Variants in CDH23 observed in about 807,000 individuals in gnomAD.
CDH23 encodes the protein cadherin-23.
A neutral mutation model predicts 317.1 loss-of-function variants in CDH23; 189 were observed. The observed-to-expected ratio is 0.60, with a 90% confidence interval of 0.53 to 0.67. The LOEUF is 0.67. Ranked by LOEUF, CDH23 falls within the 30% of genes least tolerant of loss-of-function variation. CDH23 has a pLI of 0.00. For missense variants in CDH23, 4,401 were observed against 4,592.4 expected (o/e 0.96, Z 1.20); for synonymous variants, 1,839 against 1,876.8 (o/e 0.98, Z 0.52).
At chr10:71,510,734 G>C (rs1382391761) in intron 4 of CDH23, among the ~76,000 whole-genome samples, 1 of 152,124 alleles carries the variant, frequency 6.6e-6, no homozygotes, top group Non-Finnish European at 1.5e-5. Context: ...AAGATGCTCG[G>C]CTTCTGTCTT....
chr10:71,712,707 T>C lies in CDH23; in HGVS notation c.3263T>C (p.Val1088Ala), dbSNP rs1866025946. ...AAGCGACACACGGGCACAGCCACCG[T>C]GTTCGTCACTGTCCTGGATGTGAAT... The part of the protein sequence containing the change: ...VGKRHTGTAT[V>A]FVTVLDVNDN... The change falls in exon 28 of 70, where the codon GTG becomes GCG. Residue 1088 changes from valine to alanine, a missense_variant. Val to Ala is a moderately conservative substitution (Grantham distance 64). This residue lies in a region of CDH23 where 3,068 missense variants were observed against 3,203.3 expected (regional missense o/e 0.96). Coordinates refer to ENST00000224721, the MANE Select transcript of CDH23 (RefSeq NM_022124.6). 6.2e-7 allele frequency: 1 copy of C among 1,613,614 alleles called. No homozygotes were observed. Among genetic ancestry groups the C allele is most frequent in the African/African-American group, 1.3e-5 (1 of 74,944 alleles).
At chr10:71,688,590 G>T (rs1428777392) in intron 19 of CDH23, among the ~76,000 whole-genome samples, 2 of 148,190 alleles carry the variant, frequency 1.3e-5, no homozygotes, top group South Asian at 2.2e-4. Context: ...GTCAGGGGTG[G>T]TGGAGTCAGG....
chr10:71,507,966 G>A (rs898460323), intron 3 of CDH23, among the ~76,000 whole-genome samples: 4 of 152,190 alleles, frequency 2.6e-5, no homozygotes, highest in Admixed American at 1.3e-4. Flanking sequence ...TTCCAACTCC[G>A]AAATGGGAGG....
At chr10:71,666,533 G>T (rs1273838114) in intron 14 of CDH23, among the ~76,000 whole-genome samples, 1 of 152,134 alleles carries the variant, frequency 6.6e-6, no homozygotes, top group African/African-American at 2.4e-5. Flanking sequence ...CATCCATCCA[G>T]CCCTGGCTTC....
At chr10:71,616,323 G>A (rs1307943255) in intron 10 of CDH23, among the ~76,000 whole-genome samples, 1 of 152,210 alleles carries the variant, frequency 6.6e-6, no homozygotes, top group African/African-American at 2.4e-5. Flanking sequence ...CAGCGCCATG[G>A]GGAGGATGGT....
intron 11 of CDH23, among the ~76,000 whole-genome samples, chr10:71,618,859 A>C (rs771333754): frequency 2.6e-5 from 4 of 151,770 alleles, no homozygotes; most frequent in Non-Finnish European, 5.9e-5. Context: ...GTGTGTGTAC[A>C]TGTGTGTCTC....
chr10:71,484,048 C>T (rs1169704716), intron 3 of CDH23, among the ~76,000 whole-genome samples: 1 of 152,210 alleles, frequency 6.6e-6, no homozygotes, highest in Non-Finnish European at 1.5e-5. Flanking sequence ...TCCACACCTC[C>T]CACGGCCACA....
At chr10:71,710,383 G>A (rs148327655) in intron 27 of CDH23, among the ~76,000 whole-genome samples, 1 of 152,364 alleles carries the variant, frequency 6.6e-6, no homozygotes, top group East Asian at 1.9e-4. Flanking sequence ...TAAGTCACAT[G>A]CCCATCCTGG....
intron 6 of CDH23, among the ~76,000 whole-genome samples, chr10:71,543,305 C>G (rs1233084823): frequency 6.6e-6 from 1 of 152,220 alleles, no homozygotes; most frequent in Non-Finnish European, 1.5e-5. Flanking sequence ...CCCCGAGGAC[C>G]TCCATTATCC....
chr10:71,495,031 G>A (rs555465197), intron 3 of CDH23, among the ~76,000 whole-genome samples: 1 of 152,214 alleles, frequency 6.6e-6, no homozygotes, highest in East Asian at 1.9e-4. Flanking sequence ...GAACCACCAC[G>A]GAGCCCCAGC....
At position 71,777,864 on chromosome 10, in the gene CDH23, G is replaced by A. The variant is rs1465588529; in HGVS notation, c.5030G>A (p.Gly1677Asp). The A allele has an allele frequency of 1.8e-5, 29 of 1,613,808 alleles. No homozygotes were observed. The highest frequency in any genetic ancestry group is 2.2e-5 in the Non-Finnish European group (26 of 1,179,890). ...ACAGTCACCTATGCCATCGTCGCAGGCAACATCGTCAACACCTTCCGCATC... is the reference window on the plus strand; with the variant it reads ...ACAGTCACCTATGCCATCGTCGCAGACAACATCGTCAACACCTTCCGCATC... Reference protein sequence around the residue: ...NGTVTYAIVAGNIVNTFRIDR... With the variant: ...NGTVTYAIVADNIVNTFRIDR... Residue 1677 changes from glycine (G) to aspartate (D), a missense_variant, in exon 39 of 70, where the codon GGC (glycine) becomes GAC (aspartate). By Grantham distance (94) the Gly-to-Asp change is moderately conservative. Around this residue, in one of 3 missense-constraint regions of CDH23, gnomAD observed 3,068 missense variants for 3,203.3 expected, o/e 0.96. Transcript: ENST00000224721.
At chr10:71,524,559 G>A (rs988018189) in intron 6 of CDH23, among the ~76,000 whole-genome samples, 10 of 152,184 alleles carry the variant, frequency 6.6e-5, no homozygotes, top group African/African-American at 2.2e-4. Flanking sequence ...GGTAAGCAGA[G>A]TAATGCCCCC....
At chr10:71,538,166 C>T (rs1172646949) in intron 6 of CDH23, among the ~76,000 whole-genome samples, 6 of 152,174 alleles carry the variant, frequency 3.9e-5, no homozygotes, top group South Asian at 2.1e-4. Context: ...TCCATGGTCA[C>T]GTTGCTCAGG....
intron 57 of CDH23, among the ~76,000 whole-genome samples, chr10:71,806,936 G>A (rs1841746886): frequency 6.6e-6 from 1 of 152,224 alleles, no homozygotes; most frequent in Non-Finnish European, 1.5e-5. Context: ...CTCCAACTCT[G>A]ACATGGTTGT....
chr10:71,623,463 G>A (rs1861563822), intron 11 of CDH23, among the ~76,000 whole-genome samples: 1 of 152,238 alleles, frequency 6.6e-6, no homozygotes, highest in Non-Finnish European at 1.5e-5. Flanking sequence ...GGCAGGCAGG[G>A]CTTTGTCAGG....
intron 43 of CDH23, 40 bp downstream of exon 43, chr10:71,785,140 C>T: frequency 1.3e-6 from 2 of 1,559,240 alleles, no homozygotes; most frequent in Non-Finnish European, 8.8e-7. Context: ...CCCAGGGTTT[C>T]CAGTGAAAAA....
chr10:71,763,642 C>T (rs943094876), intron 38 of CDH23, among the ~76,000 whole-genome samples: 2 of 152,238 alleles, frequency 1.3e-5, no homozygotes, highest in Non-Finnish European at 2.9e-5. Context: ...CCCGACTCCT[C>T]ACTCACAGAT....
Position 71,694,233 on chromosome 10 carries a change from C to T in CDH23, c.2263C>T (p.His755Tyr), listed in dbSNP as rs181255269. Residue 755 changes from histidine (H) to tyrosine (Y), a missense_variant, in exon 21 of 70, where the codon CAC (histidine) becomes TAC (tyrosine). Coordinates refer to ENST00000224721, the MANE Select transcript of CDH23 (RefSeq NM_022124.6). ...TCGCGCAGTGGACGGGGGTGTGGGC[C>T]ACAACCAGAAAACTGGCATCGCCAC... is the stretch of plus-strand genomic sequence containing the variant. ...IVRAVDGGVGHNQKTGIATVN... is the reference protein window; with the variant it reads ...IVRAVDGGVGYNQKTGIATVN... 1.4e-3 allele frequency: 2,284 copies of T among 1,613,056 alleles called. 14 individuals carry two copies. The highest frequency in any genetic ancestry group is 0.011 in the Middle Eastern group (65 of 6,056).
chr10:71,596,290 T>C (rs1370580645), intron 9 of CDH23, among the ~76,000 whole-genome samples: 2 of 152,128 alleles, frequency 1.3e-5, no homozygotes, highest in African/African-American at 4.8e-5. Context: ...AATATCCCCA[T>C]TTCACAGATA....
Sources: gnomAD v4.1 joint callset for allele counts (sites outside exome capture counted in the v4.1 genomes callset) on GRCh38, gnomAD v4.1.1 for gene constraint, gnomAD v4.1.1 regional missense constraint, MANE v1.5 for transcripts, NCBI Gene and HGNC (gene_info 2026-07-23, HGNC 2026-07-21) for gene names.